CPSF4L: variants seen among roughly 807,000 people sequenced by gnomAD.
CPSF4L encodes the protein putative cleavage and polyadenylation specificity factor subunit 4-like protein.
Under a neutral mutation model 24.0 loss-of-function variants are expected in CPSF4L, and 18 were observed. The ratio of observed to expected loss-of-function variants is 0.75; its 90% CI spans 0.52 to 1.11. The LOEUF (loss-of-function observed/expected upper bound fraction) is 1.11. CPSF4L is among the 50% of genes least tolerant of loss of function. The probability of loss-of-function intolerance (pLI) is 0.00; values close to 1 mark genes in which losing one functional copy is unlikely to be tolerated. For missense variants in CPSF4L, 211 were observed against 221.8 expected, an observed-to-expected ratio of 0.95 and a Z score of 0.31; for synonymous variants, 72 against 77.2, an observed-to-expected ratio of 0.93 and a Z score of 0.35.
At chr17:73,261,573 A>G (rs2062046295) in intron 1 of CPSF4L, 143 bp downstream of exon 1, 3 of 622,316 alleles carry the variant, frequency 4.8e-6, no homozygotes, top group South Asian at 1.9e-5. Context: ...AGGCAGGAGA[A>G]TGGCGTGAAC....
chr17:73,259,591 C>T (rs943447907), intron 2 of CPSF4L, among the ~76,000 whole-genome samples: 9 of 145,262 alleles, frequency 6.2e-5, no homozygotes, highest in East Asian at 2.0e-4. Context: ...TTGCTAGGAA[C>T]CACTGCTCTA....
In CPSF4L at chr17:73,252,708, T is replaced by C. The variant is rs1470468791; in HGVS notation, c.419A>G (p.Tyr140Cys). 2 of 1,550,476 alleles carry C rather than the reference T, an allele frequency of 1.3e-6. No individual in the cohort carries two copies. The highest frequency in any genetic ancestry group is 1.7e-6 in the Non-Finnish European group (2 of 1,146,368). The change falls in exon 5 of 6, where the codon TAC becomes TGC. Residue 140 changes from tyrosine (Y) to cysteine (C), a missense_variant. Physicochemically the swap from Tyr to Cys is radical, Grantham distance 194. Coordinates refer to ENST00000344935, the MANE Select transcript of CPSF4L (RefSeq NM_001129885.1). ...GFCKDGPLCKYRHVPRIMCLN... is the reference protein window; with the variant it reads ...GFCKDGPLCKCRHVPRIMCLN... ...ACACATTATTCTGGGGACATGGCGG[T>C]ATTTACACAGAGGACCTGCTGAGCA...
At chr17:73,258,146 A>T (rs1383592753) in intron 2 of CPSF4L, among the ~76,000 whole-genome samples, 2 of 151,760 alleles carry the variant, frequency 1.3e-5, no homozygotes, top group East Asian at 3.9e-4. Flanking sequence ...AGTAGCTGGG[A>T]CTACAGGCGC....
chr17:73,245,512 TAAG>T, downstream of CPSF4L: 2 of 985,388 alleles, frequency 2.0e-6, no homozygotes, highest in Non-Finnish European at 2.4e-6. Context: ...TCACTAAAAT[TAAG>T]AAGTCACTTC....
At chr17:73,248,755 C>T (rs1229011570) in intron 5 of CPSF4L, 4 of 512,568 alleles carry the variant, frequency 7.8e-6, no homozygotes, top group Non-Finnish European at 1.4e-5. Flanking sequence ...GGATTAACCT[C>T]GGGGCGGCCT....
intron 3 of CPSF4L, among the ~76,000 whole-genome samples, chr17:73,255,755 C>G (rs1188595391): frequency 6.6e-6 from 1 of 152,132 alleles, no homozygotes; most frequent in Non-Finnish European, 1.5e-5. Flanking sequence ...GACATCACCC[C>G]CTAGGTGATG....
chr17:73,243,415 A>G, the CPSF4L span, among the ~76,000 whole-genome samples: 3 of 152,018 alleles, frequency 2.0e-5, no homozygotes, highest in Admixed American at 6.6e-5. Flanking sequence ...CAGCCTCCCA[A>G]AGTGCTAAGA....
At chr17:73,243,610 CCT>C (rs1252453187), downstream of CPSF4L, among the ~76,000 whole-genome samples, 1 of 150,662 alleles carries the variant, frequency 6.6e-6, no homozygotes, top group African/African-American at 2.4e-5. Flanking sequence ...CTCACTGTAA[CCT>C]CTGCCTCCTA....
intron 1 of CPSF4L, 37 bp from the exon 2 acceptor site, chr17:73,261,020 C>A: frequency 6.6e-7 from 1 of 1,525,978 alleles, no homozygotes; most frequent in South Asian, 1.2e-5. Context: ...GGTAGCTTCC[C>A]CAGAGGCTGC....
At chr17:73,259,418 C>T (rs907784255) in intron 2 of CPSF4L, among the ~76,000 whole-genome samples, 8 of 152,034 alleles carry the variant, frequency 5.3e-5, no homozygotes, top group African/African-American at 1.2e-4. Flanking sequence ...TGGTCTTGAG[C>T]GATTCTCCAG....
downstream of CPSF4L, chr17:73,247,198 ATGCCC>A: frequency 8.3e-6 from 13 of 1,571,162 alleles, no homozygotes; most frequent in Non-Finnish European, 1.1e-5. Context: ...CAGAAACCAT[ATGCCC>A]TGAAAAGCTG....
chr17:73,243,107 T>A, the CPSF4L span: 2 of 772,528 alleles, frequency 2.6e-6, no homozygotes, highest in Non-Finnish European at 4.4e-6. Flanking sequence ...TTTTTACAGC[T>A]TTACAGTATC....
chr17:73,253,926 C>G lies in CPSF4L; in HGVS notation c.403+5G>C. On this transcript the variant is annotated splice_donor_5th_base_variant and intron_variant, in intron 4 of 5. Transcript: ENST00000344935. The stretch of plus-strand genomic sequence containing the variant: ...CCTAGGGCTCCCTGGCTTCCAAGGC[C>G]TCACCGTCCTTGCAGAAACCTTGGT... 6.5e-7 allele frequency: 1 copy of G among 1,549,430 alleles called. No homozygotes were observed.
At chr17:73,245,393 G>A, downstream of CPSF4L, 1 of 1,228,580 alleles carries the variant, frequency 8.1e-7, no homozygotes, top group Admixed American at 4.2e-5. Context: ...ATCTGGTTCT[G>A]TCTGGATGTT....
In CPSF4L at chr17:73,252,630, T is replaced by C; in HGVS notation, c.497A>G (p.Gln166Arg). 3 of 1,541,922 alleles carry C rather than the reference T, an allele frequency of 1.9e-6. No homozygotes were observed. Among genetic ancestry groups the C allele is most frequent in the Non-Finnish European group, 2.6e-6 (3 of 1,138,062 alleles). ...TTGGTAACTGAGGGATCATACTTAC[T>C]GAGCAAATTGGCACTTGGGTCCCTC... ...CPEGPKCQFAQKIREFKLLPG... is the reference protein window; with the variant it reads ...CPEGPKCQFARKIREFKLLPG... Residue 166 changes from glutamine (Q) to arginine (R), a missense_variant and splice_region_variant, in exon 5 of 6, where the codon CAG (glutamine) becomes CGG (arginine). Gln to Arg is a conservative substitution (Grantham distance 43, BLOSUM62 1). Coordinates refer to ENST00000344935, the MANE Select transcript of CPSF4L (RefSeq NM_001129885.1).
intron 4 of CPSF4L, among the ~76,000 whole-genome samples, chr17:73,253,648 G>T (rs1335628766): frequency 6.6e-6 from 1 of 152,240 alleles, no homozygotes; most frequent in Admixed American, 6.5e-5. Flanking sequence ...CTGACCCTGT[G>T]TCAAGAGCTT....
chr17:73,257,946 C>T, intron 2 of CPSF4L, 113 bp from the exon 3 acceptor site: 1 of 1,111,314 alleles, frequency 9.0e-7, no homozygotes, highest in Non-Finnish European at 1.3e-6. Context: ...AGCGGCTGTC[C>T]CCTTATCCCT....
downstream of CPSF4L, among the ~76,000 whole-genome samples, chr17:73,243,950 A>T (rs1168411457): frequency 2.6e-5 from 4 of 152,148 alleles, no homozygotes. Flanking sequence ...TTGAAACCAA[A>T]CACCTTTACA....
chr17:73,250,973 C>T, intron 5 of CPSF4L: 1 of 1,529,916 alleles, frequency 6.5e-7, no homozygotes, highest in Non-Finnish European at 8.8e-7. Flanking sequence ...CTTTGTCCAC[C>T]CTGTGGCACA....
Sources: allele counts gnomAD v4.1 joint callset (sites outside exome capture counted in the v4.1 genomes callset), GRCh38; gene constraint gnomAD v4.1.1; transcripts MANE v1.5; gene names NCBI Gene and HGNC (gene_info 2026-07-23, HGNC 2026-07-21).